Variants in MLEC observed in about 807,000 individuals in gnomAD.
MLEC encodes oligosaccharyltransferase complex subunit (non-catalytic).
In MLEC, 7 loss-of-function variants were observed where a neutral mutation model predicts 28.7. The observed-to-expected ratio is 0.24, with a 90% confidence interval of 0.14 to 0.46. The LOEUF (loss-of-function observed/expected upper bound fraction) is 0.46, where lower values mean the gene tolerates loss of function less well. Ranked by LOEUF, MLEC falls within the 20% of genes least tolerant of loss-of-function variation. MLEC has a pLI of 0.99. For missense variants in MLEC, 237 were observed against 391.1 expected (o/e 0.61, Z 3.32); for synonymous variants, 142 against 164.4 (o/e 0.86, Z 1.04).
At chr12:120,695,675 T>C (rs1882204875) in intron 4 of MLEC, among the ~76,000 whole-genome samples, 1 of 152,234 alleles carries the variant, frequency 6.6e-6, no homozygotes, top group Non-Finnish European at 1.5e-5. Flanking sequence ...TTCTCCTGGC[T>C]GCCAGCATCT....
chr12:120,693,947 T>C (rs1882128433), intron 1 of MLEC, 144 bp from the exon 2 acceptor site: 2 of 649,782 alleles, frequency 3.1e-6, no homozygotes. Flanking sequence ...GGAGCTCTGT[T>C]TGGAGCCAGG....
At chr12:120,695,042 A>C in intron 3 of MLEC, 42 bp downstream of exon 3, 1 of 1,613,964 alleles carries the variant, frequency 6.2e-7, no homozygotes, top group East Asian at 2.2e-5. Flanking sequence ...GAGTGGGTAC[A>C]GGGGAAGTTG....
Position 120,694,680 on chromosome 12 carries a change from G to A in MLEC, c.415-144G>A. The A allele has an allele frequency of 1.3e-6, 1 of 789,682 alleles. No homozygotes were observed. The highest frequency in any genetic ancestry group is 2.0e-6 in the Non-Finnish European group (1 of 493,496). 48.9% of individuals were successfully genotyped at this position (789,682 alleles called of 1,614,324 possible). ...CGGCTTTGATTTGACCCGGGTTAAG[G>A]ATGCTAACCACCCTGGATATCCAGA... On this transcript the variant is annotated intron_variant, in intron 2 of 4. Coordinates refer to ENST00000228506, the MANE Select transcript of MLEC (RefSeq NM_014730.4). The surrounding 1 kb of genome is among the most constrained non-coding windows in gnomAD (Gnocchi z 4.5).
In MLEC at chr12:120,687,646, A is replaced by C; in HGVS notation, c.235+115A>C. ...CCCTGGGGCCGCGTCTCTGGAGCGAAGTTTCTCTCTGCAGCTTCTTCGGGG... is the reference window on the plus strand; with the variant it reads ...CCCTGGGGCCGCGTCTCTGGAGCGACGTTTCTCTCTGCAGCTTCTTCGGGG... On this transcript the variant is annotated intron_variant, in intron 1 of 4. Coordinates refer to ENST00000228506, the MANE Select transcript of MLEC (RefSeq NM_014730.4). This position sits in a 1 kb window ranked among gnomAD's most constrained non-coding sequence, Gnocchi z 8.1. 1 of 766,656 alleles carries C rather than the reference A, an allele frequency of 1.3e-6. No individual in the cohort carries two copies. The allele number at this position is 766,656 out of a possible 1,614,324, so 47.5% of individuals were successfully genotyped here.
Position 120,696,362 on chromosome 12 carries a change from GGAAGAAGAA to G in MLEC, c.706_714del (p.Glu236_Glu238del), listed in dbSNP as rs750509479. On this transcript the variant is annotated inframe_deletion, in exon 5 of 5. Coordinates refer to ENST00000228506, the MANE Select transcript of MLEC (RefSeq NM_014730.4). This position sits in a 1 kb window ranked among gnomAD's most constrained non-coding sequence, Gnocchi z 5.4. ...ATCCGGGATTGGAGAAGAAAGAAGA[GGAAGAAGAA>G]GAAGAAGAATATGATGAAGGGTCTA... 1 of 1,613,912 alleles carries G rather than the reference GGAAGAAGAA, an allele frequency of 6.2e-7. No individual in the cohort carries two copies. Among genetic ancestry groups the G allele is most frequent in the Non-Finnish European group, 8.5e-7 (1 of 1,179,922 alleles).
In MLEC at chr12:120,699,841, C is replaced by G. The variant is rs1409086710; in HGVS notation, c.*3296C>G. 2.6e-5 allele frequency: 4 copies of G among 152,614 alleles called. No homozygotes were observed. Among genetic ancestry groups the G allele is most frequent in the Non-Finnish European group, 5.9e-5 (4 of 68,044 alleles). 9.5% of individuals were successfully genotyped at this position (152,614 alleles called of 1,614,324 possible). A position where few individuals can be genotyped will look rare whatever the true frequency, so the allele number is the denominator to read the frequency against. ...GGGCATTTAGGCTTTGATGAGAGGG[C>G]ACAGTTTGAGTTAGGTTTACCTCCC... On this transcript the variant is annotated 3_prime_UTR_variant, in exon 5 of 5. Transcript: ENST00000228506.
At position 120,694,224 on chromosome 12, in the gene MLEC, G is replaced by A. The variant is rs765483393; in HGVS notation, c.369G>A (p.Leu123=). ...VPIKEEGDYV[L]VLKFAEVYFA... is the part of the protein sequence containing the mutation. ...TCAAAGAGGAGGGGGACTACGTGCTGGTCTTGAAATTTGCAGAGGTCTACT... is the reference window on the plus strand; with the variant it reads ...TCAAAGAGGAGGGGGACTACGTGCTAGTCTTGAAATTTGCAGAGGTCTACT... Residue 123 remains leucine (L), a synonymous_variant, in exon 2 of 5, where the codon CTG becomes CTA. Coordinates refer to ENST00000228506, the MANE Select transcript of MLEC (RefSeq NM_014730.4). The surrounding 1 kb of genome is among the most constrained non-coding windows in gnomAD (Gnocchi z 4.5). 1.2e-6 allele frequency: 2 copies of A among 1,614,010 alleles called. No homozygotes were observed. The highest frequency in any genetic ancestry group is 1.3e-5 in the African/African-American group (1 of 74,916).
Position 120,687,307 on chromosome 12 carries a change from C to G in MLEC, c.11C>G (p.Ala4Gly). 7.2e-7 allele frequency: 1 copy of G among 1,395,192 alleles called. No individual in the cohort carries two copies. Among genetic ancestry groups the G allele is most frequent in the Non-Finnish European group, 9.3e-7 (1 of 1,079,890 alleles). The allele number at this position is 1,395,192 out of a possible 1,614,324, so 86.4% of individuals were successfully genotyped here. A position where few individuals can be genotyped will look rare whatever the true frequency, so the allele number is the denominator to read the frequency against. The part of the protein sequence containing the change: MLG[A>G]WAVEGTAVAL... ...GTGGTGGTGGCCGCCATGCTGGGAG[C>G]CTGGGCGGTTGAGGGAACCGCTGTG... The change falls in exon 1 of 5, where the codon GCC (alanine) becomes GGC (glycine). Residue 4 changes from alanine (A) to glycine (G), a missense_variant. By Grantham distance (60) the Ala-to-Gly change is moderately conservative. Transcript: ENST00000228506. This position sits in a 1 kb window ranked among gnomAD's most constrained non-coding sequence, Gnocchi z 8.1.
In MLEC at chr12:120,694,761, C is replaced by T. The variant is rs1471475508; in HGVS notation, c.415-63C>T. 1.4e-6 allele frequency: 2 copies of T among 1,470,370 alleles called. No homozygotes were observed. The highest frequency in any genetic ancestry group is 1.9e-6 in the Non-Finnish European group (2 of 1,078,386). 91.1% of individuals were successfully genotyped at this position (1,470,370 alleles called of 1,614,324 possible). A position where few individuals can be genotyped will look rare whatever the true frequency, so the allele number is the denominator to read the frequency against. On this transcript the variant is annotated intron_variant, in intron 2 of 4. Transcript: ENST00000228506. The surrounding 1 kb of genome is among the most constrained non-coding windows in gnomAD (Gnocchi z 4.5). The stretch of plus-strand genomic sequence containing the variant: ...CAAGCCCAAACACGTGCATGATGTC[C>T]AACTGCTTGAAAGGATGTAAAGCTG...
chr12:120,691,521 C>T (rs1839344202), intron 1 of MLEC, among the ~76,000 whole-genome samples: 1 of 152,228 alleles, frequency 6.6e-6, no homozygotes, highest in African/African-American at 2.4e-5. Context: ...CCCTTCGGCC[C>T]CCTTCCTTTT....
Position 120,696,246 on chromosome 12 carries a change from T to G in MLEC, c.650-70T>G. 1 of 1,570,758 alleles carries G rather than the reference T, an allele frequency of 6.4e-7. No homozygotes were observed. Among genetic ancestry groups the G allele is most frequent in the Non-Finnish European group, 8.6e-7 (1 of 1,158,562 alleles). On this transcript the variant is annotated intron_variant, in intron 4 of 4. Transcript: ENST00000228506. This position sits in a 1 kb window ranked among gnomAD's most constrained non-coding sequence, Gnocchi z 5.4. ...ACAGCAATCTCTTTATTGTGGCTTA[T>G]TTGCTGCTTTTAAGGGTCTCTCTTA... is the stretch of plus-strand genomic sequence containing the variant.
rs1215161731 is a variant in MLEC at position 120,694,406 on chromosome 12, T to C, written c.414+137T>C. The C allele has an allele frequency of 2.3e-6, 2 of 859,078 alleles. No homozygotes were observed. Among genetic ancestry groups the C allele is most frequent in the African/African-American group, 1.7e-5 (1 of 58,830 alleles). The allele number at this position is 859,078 out of a possible 1,614,324, so 53.2% of individuals were successfully genotyped here. A position where few individuals can be genotyped will look rare whatever the true frequency, so the allele number is the denominator to read the frequency against. On this transcript the variant is annotated intron_variant, in intron 2 of 4. Coordinates refer to ENST00000228506, the MANE Select transcript of MLEC (RefSeq NM_014730.4). The surrounding 1 kb of genome is among the most constrained non-coding windows in gnomAD (Gnocchi z 4.5). ...AGCTCTAGAGAAGCATGTTCCATAG[T>C]GCACAAGGCTGCACTTGCCTTGGGG...
chr12:120,697,970 T>C lies in MLEC; in HGVS notation c.*1425T>C, dbSNP rs981892255. On this transcript the variant is annotated 3_prime_UTR_variant, in exon 5 of 5. Coordinates refer to ENST00000228506, the MANE Select transcript of MLEC (RefSeq NM_014730.4). The surrounding 1 kb of genome is among the most constrained non-coding windows in gnomAD (Gnocchi z 4.8). The stretch of plus-strand genomic sequence containing the variant: ...TCTGAAGCTAACCTTAGCATCTAAG[T>C]GTCGATCTTGAATTCCCTGAAAAAA... The C allele has an allele frequency of 2.0e-5, 3 of 152,182 alleles. No individual in the cohort carries two copies. The highest frequency in any genetic ancestry group is 2.9e-5 in the Non-Finnish European group (2 of 68,036). The allele number at this position is 152,182 out of a possible 1,614,324, so 9.4% of individuals were successfully genotyped here.
intron 1 of MLEC, among the ~76,000 whole-genome samples, chr12:120,689,778 T>G (rs998593580): frequency 5.3e-5 from 8 of 152,220 alleles, no homozygotes; most frequent in African/African-American, 1.9e-4. Context: ...GCCTTATTTC[T>G]TTTCCCGCCT....
intron 4 of MLEC, among the ~76,000 whole-genome samples, chr12:120,695,767 T>C (rs1423074531): frequency 1.3e-5 from 2 of 152,218 alleles, no homozygotes; most frequent in Non-Finnish European, 2.9e-5. Flanking sequence ...CAACTCAATC[T>C]TGAATGCACT....
rs139055892 is a variant in MLEC at position 120,698,699 on chromosome 12, G to T, written c.*2154G>T. 1.6e-4 allele frequency: 25 copies of T among 152,730 alleles called. No homozygotes were observed. The highest frequency in any genetic ancestry group is 6.0e-4 in the African/African-American group (25 of 41,542). 9.5% of individuals were successfully genotyped at this position (152,730 alleles called of 1,614,324 possible). A position where few individuals can be genotyped will look rare whatever the true frequency, so the allele number is the denominator to read the frequency against. Reference sequence around the variant, plus strand: ...GCCTGGGTCTGTCTGAGGAAGGAGGGGGTCCCGCCTTCCACCTCAACACAT... The same window carrying T: ...GCCTGGGTCTGTCTGAGGAAGGAGGTGGTCCCGCCTTCCACCTCAACACAT... On this transcript the variant is annotated 3_prime_UTR_variant, in exon 5 of 5. Coordinates refer to ENST00000228506, the MANE Select transcript of MLEC (RefSeq NM_014730.4).
At position 120,694,793 on chromosome 12, in the gene MLEC, T is replaced by C. The variant is rs1312872273; in HGVS notation, c.415-31T>C. On this transcript the variant is annotated intron_variant, in intron 2 of 4. Coordinates refer to ENST00000228506, the MANE Select transcript of MLEC (RefSeq NM_014730.4). The surrounding 1 kb of genome is among the most constrained non-coding windows in gnomAD (Gnocchi z 4.5). The stretch of plus-strand genomic sequence containing the variant: ...TTGAAAGGATGTAAAGCTGATGGTT[T>C]TGACATTGTTTTCTTTTCTTATCCT... 6.3e-7 allele frequency: 1 copy of C among 1,585,626 alleles called. No homozygotes were observed. Among genetic ancestry groups the C allele is most frequent in the Non-Finnish European group, 8.6e-7 (1 of 1,162,364 alleles).
chr12:120,694,130 A>G lies in MLEC; in HGVS notation c.275A>G (p.Asn92Ser). The change falls in exon 2 of 5, where the codon AAC becomes AGC. Residue 92 changes from asparagine to serine, a missense_variant. Transcript: ENST00000228506. The surrounding 1 kb of genome is among the most constrained non-coding windows in gnomAD (Gnocchi z 4.5). ...ATGAAACTGCCAATCCTGCGTTCCA[A>G]CCCTGAGGACCAGATCCTGTATCAA... Reference protein sequence around the residue: ...YGMKLPILRSNPEDQILYQTE... With the variant: ...YGMKLPILRSSPEDQILYQTE... 3 of 1,614,034 alleles carry G rather than the reference A, an allele frequency of 1.9e-6. No homozygotes were observed. In the South Asian group the frequency reaches 3.3e-5, roughly 18 times the overall value.
intron 1 of MLEC, among the ~76,000 whole-genome samples, chr12:120,689,358 T>C (rs1268390636): frequency 6.6e-6 from 1 of 152,178 alleles, no homozygotes; most frequent in Non-Finnish European, 1.5e-5. Context: ...AAAGCTTGTG[T>C]GTACTGGAGT....
Sources: gnomAD v4.1 joint callset for allele counts (sites outside exome capture counted in the v4.1 genomes callset) on GRCh38, gnomAD v4.1.1 for gene constraint, Gnocchi (gnomAD v3.1) non-coding constraint, MANE v1.5 for transcripts, NCBI Gene and HGNC (gene_info 2026-07-23, HGNC 2026-07-21) for gene names.